CES4A: variants seen among roughly 807,000 people sequenced by gnomAD.
CES4A encodes the protein carboxylesterase 6.
In CES4A, 48 loss-of-function variants were observed where a neutral mutation model predicts 65.4. The ratio of observed to expected loss-of-function variants is 0.73; its 90% CI spans 0.58 to 0.93. The LOEUF (loss-of-function observed/expected upper bound fraction) is 0.93, where lower values mean the gene tolerates loss of function less well. Among genes scored for constraint, CES4A ranks in the 40% least tolerant of loss-of-function variants. The pLI is 0.00. For synonymous variants in CES4A, 247 were observed against 281.8 expected (o/e 0.88, Z 1.24); for missense variants, 685 against 728.5 (o/e 0.94, Z 0.69).
chr16:66,988,869 C>T (rs905246989), intron 1 of CES4A, 39 bp downstream of exon 1: 17 of 1,539,982 alleles, frequency 1.1e-5, no homozygotes, highest in Middle Eastern at 2.1e-4. Context: ...TCAGGCAAGA[C>T]GGGCACAAGG....
In CES4A at chr16:67,004,887, C is replaced by G; in HGVS notation, c.1161+14C>G. The stretch of plus-strand genomic sequence containing the variant: ...CGCACCCTGTTGGTGAGGGACCCAG[C>G]TGGCAGGGGTGCTCAGTTCGGACAG... On this transcript the variant is annotated intron_variant, in intron 10 of 13. Transcript: ENST00000648724. The G allele has an allele frequency of 6.5e-7, 1 of 1,532,662 alleles. No individual in the cohort carries two copies. Among genetic ancestry groups the G allele is most frequent in the Non-Finnish European group, 8.7e-7 (1 of 1,143,796 alleles). 94.9% of individuals were successfully genotyped at this position (1,532,662 alleles called of 1,614,324 possible).
In CES4A at chr16:66,988,837, C is replaced by A; in HGVS notation, c.58+7C>A. The A allele has an allele frequency of 6.4e-7, 1 of 1,561,146 alleles. No individual in the cohort carries two copies. The highest frequency in any genetic ancestry group is 8.7e-7 in the Non-Finnish European group (1 of 1,152,016). On this transcript the variant is annotated splice_region_variant and intron_variant, in intron 1 of 13. Coordinates refer to ENST00000648724, the Ensembl canonical transcript of CES4A. Reference sequence around the variant, plus strand: ...ATGGCGCAGACGGCCTTGGGTAAGACCCCCACCCCTTCCCGAGAGTGTCAG... The same window carrying A: ...ATGGCGCAGACGGCCTTGGGTAAGAACCCCACCCCTTCCCGAGAGTGTCAG...
intron 13 of CES4A, 108 bp downstream of exon 13, chr16:67,006,925 A>G (rs963718733): frequency 2.9e-6 from 3 of 1,037,392 alleles, no homozygotes; most frequent in East Asian, 2.5e-5. Context: ...GGAACTGCCC[A>G]GTCGGCCCAA....
chr16:67,000,842 G>A lies in CES4A; in HGVS notation c.403-15G>A. ...CGCCCACCGCCCCGCTCAGATCCCG[G>A]CCTTCTTCGTCCAGGTGATGGTCTG... On this transcript the variant is annotated splice_polypyrimidine_tract_variant and intron_variant, in intron 3 of 13. Coordinates refer to ENST00000648724, the Ensembl canonical transcript of CES4A. This position sits in a 1 kb window ranked among gnomAD's most constrained non-coding sequence, Gnocchi z 4.2. 6.4e-7 allele frequency: 1 copy of A among 1,573,716 alleles called. No individual in the cohort carries two copies. The highest frequency in any genetic ancestry group is 8.6e-7 in the Non-Finnish European group (1 of 1,159,492).
Position 67,000,638 on chromosome 16 carries a change from G to T in CES4A, c.261G>T (p.Gly87=). 1 of 1,544,306 alleles carries T rather than the reference G, an allele frequency of 6.5e-7. No homozygotes were observed. Among genetic ancestry groups the T allele is most frequent in the Non-Finnish European group, 8.7e-7 (1 of 1,143,834 alleles). The stretch of plus-strand genomic sequence containing the variant: ...CGCCGCCGCTACCTGGTGCCCGCAG[G>T]TGCCTGCAGGAGTCCTGGGGCCAGC... Residue 87 remains glycine, a splice_region_variant and synonymous_variant, in exon 3 of 14, where the codon GGG becomes GGT. Coordinates refer to ENST00000648724, the Ensembl canonical transcript of CES4A. The surrounding 1 kb of genome is among the most constrained non-coding windows in gnomAD (Gnocchi z 4.2).
At chr16:67,004,919 C>A in intron 10 of CES4A, 46 bp downstream of exon 10, 1 of 1,450,780 alleles carries the variant, frequency 6.9e-7, no homozygotes. Flanking sequence ...ACAGGGTTGA[C>A]CCCCCTGTTT....
chr16:67,003,439 A>G lies in CES4A; in HGVS notation c.901-76A>G, dbSNP rs1452538642. On this transcript the variant is annotated intron_variant, in intron 7 of 13. Transcript: ENST00000648724. This position sits in a 1 kb window ranked among gnomAD's most constrained non-coding sequence, Gnocchi z 4.2. The stretch of plus-strand genomic sequence containing the variant: ...TCCTGGTACCCAGCCACCCCCAACT[A>G]CTTCCCCAGGGACCCTGTCTCAAGA... 1.3e-6 allele frequency: 2 copies of G among 1,585,744 alleles called. No individual in the cohort carries two copies. The highest frequency in any genetic ancestry group is 1.7e-6 in the Non-Finnish European group (2 of 1,154,800).
In CES4A at chr16:67,001,543, G is replaced by A; in HGVS notation, c.690+82G>A. On this transcript the variant is annotated intron_variant, in intron 5 of 13. Coordinates refer to ENST00000648724, the Ensembl canonical transcript of CES4A. This position sits in a 1 kb window ranked among gnomAD's most constrained non-coding sequence, Gnocchi z 4.1. ...ATGTATGCTCCACTGCACAGGCCATGTGCAGATTTGCGTGTACAGGAACGT... is the reference window on the plus strand; with the variant it reads ...ATGTATGCTCCACTGCACAGGCCATATGCAGATTTGCGTGTACAGGAACGT... 2 of 1,468,890 alleles carry A rather than the reference G, an allele frequency of 1.4e-6. No homozygotes were observed. The highest frequency in any genetic ancestry group is 2.3e-5 in the East Asian group (1 of 42,818). The allele number at this position is 1,468,890 out of a possible 1,614,324, so 91.0% of individuals were successfully genotyped here.
In CES4A at chr16:67,000,637, G is replaced by A. The variant is rs1291125151; in HGVS notation, c.261-1G>A. The A allele has an allele frequency of 6.5e-7, 1 of 1,543,894 alleles. No individual in the cohort carries two copies. Among genetic ancestry groups the A allele is most frequent in the Non-Finnish European group, 8.7e-7 (1 of 1,143,518 alleles). ...CCGCCGCCGCTACCTGGTGCCCGCAGGTGCCTGCAGGAGTCCTGGGGCCAG... is the reference window on the plus strand; with the variant it reads ...CCGCCGCCGCTACCTGGTGCCCGCAAGTGCCTGCAGGAGTCCTGGGGCCAG... On this transcript the variant is annotated splice_acceptor_variant, in intron 2 of 13. Transcript: ENST00000648724. LOFTEE classifies it high-confidence loss of function. The surrounding 1 kb of genome is among the most constrained non-coding windows in gnomAD (Gnocchi z 4.2).
At chr16:67,004,689 CTCA>C in intron 9 of CES4A, 101 bp from the exon 10 acceptor site, 1 of 871,078 alleles carries the variant, frequency 1.1e-6, no homozygotes. Context: ...TGTCTGATAA[CTCA>C]TCATTAGATG....
At chr16:67,004,038 G>T in intron 8 of CES4A, 46 bp from the exon 9 acceptor site, 1 of 1,609,088 alleles carries the variant, frequency 6.2e-7, no homozygotes, top group South Asian at 1.1e-5. Flanking sequence ...AGGGACCCTG[G>T]GAGGATACTT....
At chr16:67,005,423 T>C (rs1965679298) in intron 11 of CES4A, 30 bp downstream of exon 11, 1 of 1,608,146 alleles carries the variant, frequency 6.2e-7, no homozygotes, top group Non-Finnish European at 8.5e-7. Context: ...GTGGCCACAC[T>C]GGCCCCGTCC....
At chr16:67,004,187 G>T (rs769087568) in exon 9 of CES4A, 1 of 1,614,176 alleles carries the variant, frequency 6.2e-7, no homozygotes, top group South Asian at 1.1e-5. Flanking sequence ...TACCTTCTAG[G>T]TGTCAACAAC....
intron 1 of CES4A, among the ~76,000 whole-genome samples, chr16:66,990,047 CTTTT>C (rs1009395226): frequency 6.6e-5 from 8 of 121,442 alleles, no homozygotes; most frequent in Non-Finnish European, 1.4e-4. Context: ...TTCATCTTTT[CTTTT>C]TTTTTTTTTT....
chr16:67,002,993 G>A (rs1965471604), intron 5 of CES4A, 77 bp from the exon 6 acceptor site: 1 of 1,283,768 alleles, frequency 7.8e-7, no homozygotes, highest in Non-Finnish European at 1.1e-6. Flanking sequence ...GCCTGCCCAT[G>A]GCCAGACAGA....
In CES4A at chr16:67,009,050, A is replaced by G. The variant is rs745732403; in HGVS notation, c.1594A>G (p.Thr532Ala). The G allele has an allele frequency of 5.6e-5, 91 of 1,614,126 alleles. No homozygotes were observed. Among genetic ancestry groups the G allele is most frequent in the Non-Finnish European group, 7.0e-5 (83 of 1,180,044 alleles). ...AAAGTACCTGCAGCTGGATTTTACC[A>G]CAAGAGTGGGCATGAAGCTCAAGGA... The change falls in exon 14 of 14, where the codon ACA becomes GCA. Residue 532 changes from threonine (T) to alanine (A), a missense_variant. By Grantham distance (58) the Thr-to-Ala change is moderately conservative (BLOSUM62 0). Transcript: ENST00000648724.
At chr16:67,003,000 C>G in intron 5 of CES4A, 70 bp from the exon 6 acceptor site, 1 of 1,356,150 alleles carries the variant, frequency 7.4e-7, no homozygotes, top group Non-Finnish European at 1.1e-6. Context: ...CATGGCCAGA[C>G]AGATGCCCAG....
Position 67,004,028 on chromosome 16 carries a change from A to G in CES4A, c.940-56A>G, listed in dbSNP as rs1965552830. ...CCTCTGAAGGGGCACCCAAGGTTGC[A>G]GGGACCCTGGGAGGATACTTGAGGA... On this transcript the variant is annotated intron_variant, in intron 8 of 13. Transcript: ENST00000648724. 3.1e-6 allele frequency: 5 copies of G among 1,591,382 alleles called. No individual in the cohort carries two copies. The South Asian group carries it at 4.4e-5, about 14-fold the overall frequency.
chr16:67,008,922 A>C lies in CES4A; in HGVS notation c.1518-52A>C, dbSNP rs1472068114. ...TAAACGAGGGAAGGGTGAAAGAAAG[A>C]AGCAGGATGAAAAGGAACACAGGTA... On this transcript the variant is annotated intron_variant, in intron 13 of 13. Coordinates refer to ENST00000648724, the Ensembl canonical transcript of CES4A. 3.8e-6 allele frequency: 6 copies of C among 1,562,070 alleles called. No individual in the cohort carries two copies. The African/African-American group carries it at 4.1e-5, about 11-fold the overall frequency.
Sources: gnomAD v4.1 joint callset for allele counts (sites outside exome capture counted in the v4.1 genomes callset) on GRCh38, gnomAD v4.1.1 for gene constraint, Gnocchi (gnomAD v3.1) non-coding constraint, MANE v1.5 for transcripts, NCBI Gene and HGNC (gene_info 2026-07-23, HGNC 2026-07-21) for gene names.